MAP2K5: variants seen among roughly 807,000 people sequenced by gnomAD.
The protein encoded by MAP2K5 is mitogen-activated protein kinase kinase 5.
MAP2K5 carries 49 observed loss-of-function variants against 83.1 expected under a neutral mutation model. The ratio of observed to expected loss-of-function variants is 0.59; its 90% CI spans 0.47 to 0.75. MAP2K5 has a LOEUF of 0.75. Among genes scored for constraint, MAP2K5 ranks in the 30% least tolerant of loss-of-function variants. The pLI is 0.00. For missense variants in MAP2K5, 457 were observed against 557.5 expected (o/e 0.82, Z 1.82); for synonymous variants, 202 against 191.8 (o/e 1.05, Z -0.44).
At position 67,790,646 on chromosome 15, in the gene MAP2K5, G is replaced by C. The variant is rs1436398966; in HGVS notation, c.1243-16000G>C. On this transcript the variant is annotated intron_variant, in intron 21 of 21. Transcript: ENST00000178640. This position sits in a 1 kb window ranked among gnomAD's most constrained non-coding sequence, Gnocchi z 4.6. ...TCAGAGGAGGGGCTGCTTACTGAGT[G>C]GTGAGGGTCTTTAAGATGTGGAGAG... 1.3e-5 allele frequency among the ~76,000 whole-genome samples: 2 copies of C among 152,030 alleles called. No individual in the cohort carries two copies. The highest frequency in any genetic ancestry group is 4.8e-5 in the African/African-American group (2 of 41,360).
In MAP2K5 at chr15:67,735,060, G is replaced by A. The variant is rs1005622847; in HGVS notation, c.1074+7115G>A. 7.9e-5 allele frequency among the ~76,000 whole-genome samples: 12 copies of A among 152,266 alleles called. No homozygotes were observed. In the East Asian group the frequency reaches 9.6e-4, roughly 12 times the overall value. On this transcript the variant is annotated intron_variant, in intron 17 of 21. Transcript: ENST00000178640. ...TTTATATTCCATAAAATGCAGAGAC[G>A]AAATTTAAGTGACATGAAGATGTTC...
At chr15:67,796,449 A>G (rs2090605826) in intron 21 of MAP2K5, among the ~76,000 whole-genome samples, 1 of 152,180 alleles carries the variant, frequency 6.6e-6, no homozygotes, top group African/African-American at 2.4e-5. Context: ...GAGCTGGCAC[A>G]TCACATGGCA....
At chr15:67,776,359 A>G (rs2090238710) in intron 21 of MAP2K5, among the ~76,000 whole-genome samples, 1 of 152,138 alleles carries the variant, frequency 6.6e-6, no homozygotes, top group Non-Finnish European at 1.5e-5. Context: ...AAACTTAGGG[A>G]CAAATTTTCA....
chr15:67,564,403 T>C (rs2084798952), intron 3 of MAP2K5, among the ~76,000 whole-genome samples: 1 of 152,218 alleles, frequency 6.6e-6, no homozygotes, highest in Non-Finnish European at 1.5e-5. Context: ...ACCCTAATCT[T>C]AGTCAACAGT....
Position 67,642,625 on chromosome 15 carries a change from T to A in MAP2K5, c.586-3606T>A, listed in dbSNP as rs550843715. On this transcript the variant is annotated intron_variant, in intron 9 of 21. Transcript: ENST00000178640. Reference sequence around the variant, plus strand: ...TACAGGAAACAGCAGGAGCAAAGGCTGTAAGTAGGGAAAGCACAGGATATG... The same window carrying A: ...TACAGGAAACAGCAGGAGCAAAGGCAGTAAGTAGGGAAAGCACAGGATATG... The A allele has an allele frequency of 3.3e-5, 23 of 688,688 alleles. No homozygotes were observed. The East Asian group carries it at 5.3e-4, about 16-fold the overall frequency. The allele number at this position is 688,688 out of a possible 1,614,324, so 42.7% of individuals were successfully genotyped here.
chr15:67,705,125 T>C (rs1211859356), intron 16 of MAP2K5, among the ~76,000 whole-genome samples: 1 of 152,216 alleles, frequency 6.6e-6, no homozygotes, highest in African/African-American at 2.4e-5. Context: ...GTTGTGTGAC[T>C]GAGACAGTGA....
chr15:67,550,738 T>C (rs1596546006), intron 2 of MAP2K5, among the ~76,000 whole-genome samples: 1 of 151,666 alleles, frequency 6.6e-6, no homozygotes, highest in East Asian at 1.9e-4. Context: ...TTTTTTTTTT[T>C]AAGATGAGGG....
At chr15:67,772,831 G>T in intron 21 of MAP2K5, 79 bp downstream of exon 21, 1 of 1,269,120 alleles carries the variant, frequency 7.9e-7, no homozygotes, top group Non-Finnish European at 1.1e-6. Flanking sequence ...GTCCAGAATG[G>T]AATTTGAAAC....
rs1054101309 is a variant in MAP2K5, at chr15:67,701,800, T to C, written c.973-1537T>C. Among the ~76,000 whole-genome samples, 60 of 152,204 alleles carry C rather than the reference T, an allele frequency of 3.9e-4. 3 individuals carry two copies. Among genetic ancestry groups the C allele is most frequent in the Non-Finnish European group, 4.4e-5 (3 of 68,030 alleles). ...GTTCTGCGATGGCTGCTCCAAAAAC[T>C]GCACATTGAGAAATACTGACCAGCT... On this transcript the variant is annotated intron_variant, in intron 15 of 21. Transcript: ENST00000178640.
At chr15:67,772,903 A>G in intron 21 of MAP2K5, 151 bp downstream of exon 21, 2 of 539,686 alleles carry the variant, frequency 3.7e-6, no homozygotes, top group South Asian at 3.4e-5. Context: ...TTTGAAGCTC[A>G]TATCCTCAGA....
In MAP2K5 at chr15:67,806,858, G is replaced by A. The variant is rs752698219; in HGVS notation, c.*108G>A. The A allele has an allele frequency of 1.3e-6, 2 of 1,595,906 alleles. No individual in the cohort carries two copies. The highest frequency in any genetic ancestry group is 1.7e-6 in the Non-Finnish European group (2 of 1,178,618). ...GCCAGAAGAGCTTTGCTGGGCCCTG[G>A]CTTCCCTGCCCTCGCCTTCACCTCT... On this transcript the variant is annotated 3_prime_UTR_variant, in exon 22 of 22. Coordinates refer to ENST00000178640, the MANE Select transcript of MAP2K5 (RefSeq NM_145160.3).
chr15:67,588,015 C>G (rs1419915464), intron 6 of MAP2K5: 1 of 826,812 alleles, frequency 1.2e-6, no homozygotes, highest in Non-Finnish European at 1.5e-6. Context: ...TCAGCCCCTC[C>G]TCCACCCTGC....
chr15:67,634,884 G>T (rs2086565221), intron 9 of MAP2K5, among the ~76,000 whole-genome samples: 1 of 152,110 alleles, frequency 6.6e-6, no homozygotes, highest in Non-Finnish European at 1.5e-5. Context: ...TTAAGTGAGA[G>T]TATTGAGACT....
intron 9 of MAP2K5, among the ~76,000 whole-genome samples, chr15:67,632,138 C>G (rs1295674213): frequency 7.0e-6 from 1 of 141,944 alleles, no homozygotes; most frequent in African/African-American, 2.6e-5. Context: ...CTTGCTCTGT[C>G]ATCCAGGCTG....
chr15:67,693,420 T>C, intron 14 of MAP2K5, 98 bp from the exon 15 acceptor site: 2 of 927,162 alleles, frequency 2.2e-6, no homozygotes, highest in Non-Finnish European at 3.4e-6. Context: ...TTTTAGTTGA[T>C]TTATATGAAT....
intron 16 of MAP2K5, among the ~76,000 whole-genome samples, chr15:67,711,412 G>C (rs926197760): frequency 6.6e-6 from 1 of 152,122 alleles, no homozygotes; most frequent in Non-Finnish European, 1.5e-5. Flanking sequence ...TAGAACCTTC[G>C]GTAAATTACT....
chr15:67,659,115 A>G (rs1260119302), intron 12 of MAP2K5: 9 of 239,272 alleles, frequency 3.8e-5, no homozygotes, highest in Non-Finnish European at 1.6e-5. Context: ...TTGTGATTTA[A>G]AGCAGTTTTC....
intron 8 of MAP2K5, among the ~76,000 whole-genome samples, chr15:67,602,620 A>G (rs1286857704): frequency 1.3e-5 from 2 of 152,178 alleles, no homozygotes; most frequent in Non-Finnish European, 2.9e-5. Flanking sequence ...AGATGTTGAC[A>G]TTTTAATCCT....
intron 19 of MAP2K5, among the ~76,000 whole-genome samples, chr15:67,752,308 C>T (rs886077377): frequency 6.6e-6 from 1 of 151,482 alleles, no homozygotes; most frequent in Non-Finnish European, 1.5e-5. Context: ...CTCAAGTGAT[C>T]CGCCTACCTT....
Sources: gnomAD v4.1 joint callset for allele counts (sites outside exome capture counted in the v4.1 genomes callset) on GRCh38, gnomAD v4.1.1 for gene constraint, Gnocchi (gnomAD v3.1) non-coding constraint, MANE v1.5 for transcripts, NCBI Gene and HGNC (gene_info 2026-07-23, HGNC 2026-07-21) for gene names.